Variants in AKAP13 observed in about 807,000 individuals in gnomAD.
AKAP13 encodes the protein A-kinase anchor protein 13.
A neutral mutation model predicts 264.5 loss-of-function variants in AKAP13; 80 were observed. The ratio of observed to expected loss-of-function variants is 0.30; its 90% CI spans 0.25 to 0.36. The LOEUF (loss-of-function observed/expected upper bound fraction) is 0.36. Ranked by LOEUF, AKAP13 falls within the 10% of genes least tolerant of loss-of-function variation. The pLI is 1.00. For missense variants in AKAP13, 3,712 were observed against 3,435.2 expected (o/e 1.08, Z -2.01); for synonymous variants, 1,380 against 1,250.2 (o/e 1.10, Z -2.19).
intron 17 of AKAP13, among the ~76,000 whole-genome samples, chr15:85,703,928 T>G (rs1567204379): frequency 6.6e-6 from 1 of 151,962 alleles, no homozygotes; most frequent in Non-Finnish European, 1.5e-5. Flanking sequence ...GTTAAAGATT[T>G]TAAACAAGAA....
At chr15:85,552,841 T>C (rs1419516450) in intron 5 of AKAP13, among the ~76,000 whole-genome samples, 2 of 151,984 alleles carry the variant, frequency 1.3e-5, no homozygotes, top group South Asian at 2.1e-4. Context: ...GGATTTATCA[T>C]AGTTTTTATA....
chr15:85,512,797 A>G (rs1232376465), intron 2 of AKAP13, among the ~76,000 whole-genome samples: 3 of 151,624 alleles, frequency 2.0e-5, no homozygotes, highest in African/African-American at 7.3e-5. Context: ...CCATGCTCCT[A>G]CAGTGTTGAC....
intron 1 of AKAP13, among the ~76,000 whole-genome samples, chr15:85,383,803 C>A (rs2070413945): frequency 6.6e-6 from 1 of 152,170 alleles, no homozygotes; most frequent in African/African-American, 2.4e-5. Context: ...TGAGTTCCAA[C>A]TTTATTTTAC....
Position 85,575,053 on chromosome 15 carries a change from C to T in AKAP13, c.663-78C>T, listed in dbSNP as rs147389224. 339 of 1,408,310 alleles carry T rather than the reference C, an allele frequency of 2.4e-4. No homozygotes were observed. The African/African-American group carries it at 3.7e-3, about 16-fold the overall frequency. The allele number at this position is 1,408,310 out of a possible 1,614,324, so 87.2% of individuals were successfully genotyped here. ...TCAAAGAACAATCAGGTTAGAAATA[C>T]GAAGTAAGACTTAGAACGTTAAGCC... On this transcript the variant is annotated intron_variant, in intron 5 of 36. Coordinates refer to ENST00000394518, the MANE Select transcript of AKAP13 (RefSeq NM_007200.5).
At position 85,718,215 on chromosome 15, in the gene AKAP13, A is replaced by C. The variant is rs1567211759; in HGVS notation, c.6001+56A>C. On this transcript the variant is annotated intron_variant, in intron 22 of 36. Coordinates refer to ENST00000394518, the MANE Select transcript of AKAP13 (RefSeq NM_007200.5). The surrounding 1 kb of genome is among the most constrained non-coding windows in gnomAD (Gnocchi z 4.9). The stretch of plus-strand genomic sequence containing the variant: ...TTGATTTCCATTGTCCAGCATTTTT[A>C]AGCAGTAATTTGTTGGACTATGAAA... The C allele has an allele frequency of 6.3e-7, 1 of 1,587,388 alleles. No homozygotes were observed. The highest frequency in any genetic ancestry group is 8.6e-7 in the Non-Finnish European group (1 of 1,163,506).
chr15:85,619,700 G>A, intron 8 of AKAP13: 1 of 995,148 alleles, frequency 1.0e-6, no homozygotes, highest in African/African-American at 1.7e-5. Flanking sequence ...ACGTGTATCG[G>A]CCGTTATGCT....
intron 8 of AKAP13, chr15:85,635,067 G>C (rs1383274857): frequency 2.5e-6 from 1 of 398,000 alleles, no homozygotes; most frequent in African/African-American, 2.1e-5. Context: ...AGTAGGTTTT[G>C]ATTCTTCTTC....
intron 1 of AKAP13, among the ~76,000 whole-genome samples, chr15:85,387,261 G>A (rs1388851523): frequency 2.0e-5 from 3 of 152,008 alleles, no homozygotes; most frequent in Admixed American, 6.6e-5. Context: ...GCTTTAGCCC[G>A]GGAGATGGAG....
chr15:85,520,515 A>T (rs538283226), intron 2 of AKAP13, among the ~76,000 whole-genome samples: 1 of 143,510 alleles, frequency 7.0e-6, no homozygotes, highest in East Asian at 2.1e-4. Context: ...AAAAAAAAAA[A>T]AAAAAAAGCA....
intron 8 of AKAP13, among the ~76,000 whole-genome samples, chr15:85,637,789 C>G (rs1245010886): frequency 6.6e-6 from 1 of 151,744 alleles, no homozygotes; most frequent in African/African-American, 2.4e-5. Flanking sequence ...TTAGTTATAT[C>G]CACACATTTT....
At chr15:85,388,292 G>T (rs1023580996) in intron 1 of AKAP13, among the ~76,000 whole-genome samples, 3 of 151,946 alleles carry the variant, frequency 2.0e-5, no homozygotes, top group Non-Finnish European at 4.4e-5. Context: ...TGATCCGCCA[G>T]CCTCAGCCTC....
chr15:85,639,562 A>G, intron 9 of AKAP13, 113 bp downstream of exon 9: 1 of 782,296 alleles, frequency 1.3e-6, no homozygotes, highest in Non-Finnish European at 2.2e-6. Context: ...AGAGGAAGGG[A>G]TGTATGTGAT....
chr15:85,460,313 T>G (rs1462886334), intron 1 of AKAP13, among the ~76,000 whole-genome samples: 2 of 152,234 alleles, frequency 1.3e-5, no homozygotes, highest in Non-Finnish European at 2.9e-5. Context: ...ACAGGCTGTT[T>G]ATTCTCCCTG....
In AKAP13 at chr15:85,693,353, T is replaced by C. The variant is rs755229798; in HGVS notation, c.5366T>C (p.Val1789Ala). The change falls in exon 17 of 37, where the codon GTC becomes GCC. Residue 1789 changes from valine (V) to alanine (A), a missense_variant. This residue lies in a region of AKAP13 where 2,759 missense variants were observed against 2,411.7 expected (regional missense o/e 1.14). Coordinates refer to ENST00000394518, the MANE Select transcript of AKAP13 (RefSeq NM_007200.5). ...SKDKEKDKKT[V>A]NGHTFSSIPV... ...GACAAGGAGAAAGATAAGAAGACTG[T>C]CAACGGGCACACTTTCAGTTCCATT... 5 of 1,613,970 alleles carry C rather than the reference T, an allele frequency of 3.1e-6. No homozygotes were observed. In the East Asian group the frequency reaches 1.1e-4, roughly 36 times the overall value.
At chr15:85,517,538 A>G (rs1045160726) in intron 2 of AKAP13, among the ~76,000 whole-genome samples, 3 of 152,142 alleles carry the variant, frequency 2.0e-5, no homozygotes, top group African/African-American at 7.2e-5. Context: ...AGATTTTTTT[A>G]AACTTAATAT....
Position 85,579,367 on chromosome 15 carries a change from C to T in AKAP13, c.1299C>T (p.Pro433=). The T allele has an allele frequency of 6.2e-7, 1 of 1,614,186 alleles. No individual in the cohort carries two copies. Among genetic ancestry groups the T allele is most frequent in the South Asian group, 1.1e-5 (1 of 91,088 alleles). The change falls in exon 7 of 37, where the codon CCC becomes CCT. Residue 433 remains proline (P), a synonymous_variant. Transcript: ENST00000394518. ...CTGGAACAAAATCTTCTGGAATGCCCACAGACCAGGAGTCCCTGAGCAGTG... is the reference window on the plus strand; with the variant it reads ...CTGGAACAAAATCTTCTGGAATGCCTACAGACCAGGAGTCCCTGAGCAGTG... ...EETGTKSSGM[P]TDQESLSSGD...
chr15:85,736,074 G>GT lies in AKAP13; in HGVS notation c.7513-10dup, dbSNP rs1337808126. The GT allele has an allele frequency of 1.9e-6, 3 of 1,581,192 alleles. No homozygotes were observed. Among genetic ancestry groups the GT allele is most frequent in the African/African-American group, 1.3e-5 (1 of 74,190 alleles). ...AAGATCTTCATTTTTTTATATGTATGTTTTTTGTTTTATAGGGTGGAAATG... is the reference window on the plus strand; with the variant it reads ...AAGATCTTCATTTTTTTATATGTATGTTTTTTTGTTTTATAGGGTGGAAATG... On this transcript the variant is annotated splice_polypyrimidine_tract_variant and intron_variant, in intron 32 of 36. Transcript: ENST00000394518.
intron 5 of AKAP13, among the ~76,000 whole-genome samples, chr15:85,558,474 T>C (rs941047747): frequency 6.6e-6 from 1 of 152,208 alleles, no homozygotes; most frequent in African/African-American, 2.4e-5. Context: ...ATTTTAGTGA[T>C]GATAACCTCA....
At chr15:85,622,084 A>C (rs1471638250) in intron 8 of AKAP13, among the ~76,000 whole-genome samples, 1 of 152,148 alleles carries the variant, frequency 6.6e-6, no homozygotes, top group Non-Finnish European at 1.5e-5. Context: ...AGAACTATAA[A>C]CTCAAAGAAA....
Sources: allele counts gnomAD v4.1 joint callset (sites outside exome capture counted in the v4.1 genomes callset), GRCh38; gene constraint gnomAD v4.1.1; regional missense constraint gnomAD v4.1.1; non-coding constraint Gnocchi (gnomAD v3.1); transcripts MANE v1.5; gene names NCBI Gene and HGNC (gene_info 2026-07-23, HGNC 2026-07-21).